SLC22A16: variants seen among roughly 807,000 people sequenced by gnomAD.
The protein encoded by SLC22A16 is WUGSC:RG331P03.1.
Under a neutral mutation model 52.9 loss-of-function variants are expected in SLC22A16, and 53 were observed. The observed-to-expected ratio is 1.00, with a 90% CI of 0.80 to 1.26. The LOEUF is 1.26. Among genes scored for constraint, SLC22A16 ranks in the 50% most tolerant of loss-of-function variants. The pLI, the probability that SLC22A16 is intolerant of heterozygous loss-of-function variation, is 0.00. For synonymous variants in SLC22A16, 291 were observed against 268.8 expected (o/e 1.08, Z -0.81); for missense variants, 726 against 704.0 (o/e 1.03, Z -0.35).
chr6:110,428,353 T>A (rs1314297189), intron 7 of SLC22A16, among the ~76,000 whole-genome samples: 1 of 150,856 alleles, frequency 6.6e-6, no homozygotes, highest in Admixed American at 6.6e-5. Context: ...TGGCCAGAGC[T>A]GTCTTAGAGA....
chr6:110,476,481 C>A, intron 1 of SLC22A16, 41 bp downstream of exon 1: 1 of 1,460,526 alleles, frequency 6.8e-7, no homozygotes, highest in Non-Finnish European at 9.1e-7. Context: ...GACCCCTCGG[C>A]GCCGCCTCCC....
intron 4 of SLC22A16, among the ~76,000 whole-genome samples, chr6:110,442,041 T>C (rs139192368): frequency 2.0e-5 from 3 of 152,350 alleles, no homozygotes; most frequent in Non-Finnish European, 4.4e-5. Context: ...TTCCATGAAC[T>C]GGTTGAAGTC....
intron 7 of SLC22A16, among the ~76,000 whole-genome samples, chr6:110,426,762 C>T (rs1489339653): frequency 6.6e-6 from 1 of 151,128 alleles, no homozygotes; most frequent in East Asian, 2.0e-4. Flanking sequence ...ACCAGCCTGG[C>T]CAACATGGTG....
intron 1 of SLC22A16, among the ~76,000 whole-genome samples, chr6:110,473,740 T>C (rs961000349): frequency 1.3e-5 from 2 of 151,558 alleles, no homozygotes; most frequent in Non-Finnish European, 2.9e-5. Context: ...TTAGCCAGGA[T>C]GGTCTCGAGC....
At chr6:110,456,419 G>C in intron 2 of SLC22A16, 119 bp downstream of exon 2, 2 of 1,208,332 alleles carry the variant, frequency 1.7e-6, no homozygotes, top group South Asian at 2.9e-5. Flanking sequence ...AAAGAGGTAG[G>C]TATTTAGATA....
chr6:110,429,975 C>T (rs1384628120), intron 7 of SLC22A16, among the ~76,000 whole-genome samples: 1 of 151,882 alleles, frequency 6.6e-6, no homozygotes, highest in Non-Finnish European at 1.5e-5. Flanking sequence ...GGGGAAGCTG[C>T]ATGAGGAATA....
At chr6:110,454,584 A>T (rs1480543216) in intron 2 of SLC22A16, among the ~76,000 whole-genome samples, 3 of 104,682 alleles carry the variant, frequency 2.9e-5, no homozygotes, top group African/African-American at 1.2e-4. Context: ...ATATTTATAT[A>T]TAATATATAT....
intron 5 of SLC22A16, among the ~76,000 whole-genome samples, chr6:110,436,527 AAGG>A (rs1171283536): frequency 1.3e-5 from 2 of 152,170 alleles, no homozygotes; most frequent in African/African-American, 2.4e-5. Context: ...TGGAGAAGCT[AAGG>A]CAGGAGGATC....
intron 4 of SLC22A16, 147 bp downstream of exon 4, chr6:110,442,094 CATA>C: frequency 1.4e-6 from 1 of 715,884 alleles, no homozygotes; most frequent in Non-Finnish European, 2.3e-6. Context: ...TAAGAGATAT[CATA>C]ATAATATGGT....
intron 1 of SLC22A16, among the ~76,000 whole-genome samples, chr6:110,471,535 C>G (rs1316467658): frequency 6.6e-6 from 1 of 152,240 alleles, no homozygotes; most frequent in African/African-American, 2.4e-5. Flanking sequence ...CCATTAAATA[C>G]TATGTAGCTG....
intron 7 of SLC22A16, among the ~76,000 whole-genome samples, chr6:110,427,764 C>T (rs369414903): frequency 5.9e-5 from 9 of 152,286 alleles, no homozygotes; most frequent in East Asian, 1.9e-4. Context: ...TGTGAGCCAC[C>T]GCGCCTGCCC....
intron 1 of SLC22A16, among the ~76,000 whole-genome samples, chr6:110,468,608 T>G (rs1431179792): frequency 7.0e-6 from 1 of 143,680 alleles, no homozygotes; most frequent in Admixed American, 7.1e-5. Context: ...ATCACACCAC[T>G]GCACTCTAGC....
At chr6:110,425,224 G>GA in intron 7 of SLC22A16, 139 bp from the exon 8 acceptor site, 1 of 1,519,034 alleles carries the variant, frequency 6.6e-7, no homozygotes, top group South Asian at 1.3e-5. Context: ...TACTCGGTGA[G>GA]ATCTTTGGTT....
intron 1 of SLC22A16, among the ~76,000 whole-genome samples, chr6:110,468,469 A>G (rs1776147486): frequency 6.6e-6 from 1 of 151,906 alleles, no homozygotes; most frequent in Non-Finnish European, 1.5e-5. Flanking sequence ...ACATGGTGAA[A>G]CCCTGTTTCT....
rs1455295274 is a variant in SLC22A16, at chr6:110,442,738, A to G, written c.689T>C (p.Val230Ala). ...AGACTTCATGCCAATGAATTCCATC[A>G]CATAGACAAACCCCACCACAAGATA... ...SGYLVVGFVY[V>A]MEFIGMKSRT... is the part of the protein sequence containing the mutation. The change falls in exon 4 of 8, where the codon GTG becomes GCG. Residue 230 changes from valine to alanine, a missense_variant. Transcript: ENST00000368919. 6.2e-7 allele frequency: 1 copy of G among 1,614,084 alleles called. No individual in the cohort carries two copies. The highest frequency in any genetic ancestry group is 2.2e-5 in the East Asian group (1 of 44,888).
At chr6:110,430,379 A>C (rs742938) in intron 7 of SLC22A16, among the ~76,000 whole-genome samples, 50,731 of 151,330 alleles carry the variant, frequency 0.34, 8,746 homozygotes, top group South Asian at 0.4. Flanking sequence ...TCCTCGCCTG[A>C]AGCCAGGATG....
At chr6:110,472,435 G>T (rs1776291167) in intron 1 of SLC22A16, among the ~76,000 whole-genome samples, 1 of 151,852 alleles carries the variant, frequency 6.6e-6, no homozygotes, top group Admixed American at 6.6e-5. Flanking sequence ...CCCAAACTTT[G>T]CAAAAACACT....
intron 2 of SLC22A16, among the ~76,000 whole-genome samples, chr6:110,448,370 A>G (rs542797899): frequency 5.7e-4 from 87 of 152,328 alleles, no homozygotes; most frequent in African/African-American, 2.0e-3. Context: ...TTGAGTTGTA[A>G]GAGCTCTTTA....
At chr6:110,473,435 G>T (rs1435681030) in intron 1 of SLC22A16, among the ~76,000 whole-genome samples, 4 of 143,202 alleles carry the variant, frequency 2.8e-5, no homozygotes. Context: ...AAACGATATG[G>T]TTTCAGGAGA....
Sources: gnomAD v4.1 joint callset for allele counts (sites outside exome capture counted in the v4.1 genomes callset) on GRCh38, gnomAD v4.1.1 for gene constraint, MANE v1.5 for transcripts, NCBI Gene and HGNC (gene_info 2026-07-23, HGNC 2026-07-21) for gene names.